The following HS6ST1 variants were observed in gnomAD, a reference collection of about 807,000 sequenced individuals.
HS6ST1 encodes the protein heparan sulfate 6-O-sulfotransferase 1, also known as heparan-sulfate 6-O-sulfotransferase 1.
A neutral mutation model predicts 25.2 loss-of-function variants in HS6ST1; 3 were observed. That is an observed-to-expected ratio of 0.12 (90% CI 0.05 to 0.31). The LOEUF (loss-of-function observed/expected upper bound fraction) is 0.31, where lower values mean the gene tolerates loss of function less well. Among genes scored for constraint, HS6ST1 ranks in the 10% least tolerant of loss-of-function variants. HS6ST1 has a pLI of 1.00. For missense variants in HS6ST1, 310 were observed against 609.6 expected, an observed-to-expected ratio of 0.51 and a Z score of 5.18; for synonymous variants, 204 against 275.1, an observed-to-expected ratio of 0.74 and a Z score of 2.56.
At chr2:128,312,517 G>A (rs1694307180) in intron 1 of HS6ST1, among the ~76,000 whole-genome samples, 1 of 152,172 alleles carries the variant, frequency 6.6e-6, no homozygotes, top group African/African-American at 2.4e-5. Flanking sequence ...CCCGCAAAAT[G>A]CCACATGGGA....
chr2:128,317,519 A>G (rs570615318), intron 1 of HS6ST1, among the ~76,000 whole-genome samples: 2 of 152,282 alleles, frequency 1.3e-5, no homozygotes, highest in East Asian at 3.9e-4. Context: ...AGGCGGGCAG[A>G]GCCAGCCCCC....
In HS6ST1 at chr2:128,266,281, C is replaced by T. The variant is rs1693511486; in HGVS notation, c.*1881G>A. On this transcript the variant is annotated 3_prime_UTR_variant, in exon 2 of 2. Coordinates refer to ENST00000259241, the MANE Select transcript of HS6ST1 (RefSeq NM_004807.3). ...CTCCTCCAAGGAGTGCACCCACCCCCATGTTGAGTGTCCGAGCAGATTCCC... is the reference window on the plus strand; with the variant it reads ...CTCCTCCAAGGAGTGCACCCACCCCTATGTTGAGTGTCCGAGCAGATTCCC... The T allele has an allele frequency of 6.6e-6, 1 of 152,354 alleles. No individual in the cohort carries two copies. Among genetic ancestry groups the T allele is most frequent in the Non-Finnish European group, 1.5e-5 (1 of 68,130 alleles). 9.4% of individuals were successfully genotyped at this position (152,354 alleles called of 1,614,324 possible). A position where few individuals can be genotyped will look rare whatever the true frequency, so the allele number is the denominator to read the frequency against.
At chr2:128,298,487 C>T (rs1009183980) in intron 1 of HS6ST1, among the ~76,000 whole-genome samples, 1 of 152,092 alleles carries the variant, frequency 6.6e-6, no homozygotes, top group Non-Finnish European at 1.5e-5. Context: ...TTACTCAGCC[C>T]TAAAAAGGAA....
intron 1 of HS6ST1, among the ~76,000 whole-genome samples, chr2:128,316,296 G>A (rs1030862960): frequency 9.9e-5 from 15 of 152,266 alleles, no homozygotes; most frequent in Non-Finnish European, 1.6e-4. Flanking sequence ...CAAAAGCTCC[G>A]GCTTCTTGGC....
intron 1 of HS6ST1, among the ~76,000 whole-genome samples, chr2:128,285,609 C>CT (rs397956840): frequency 1.3e-5 from 2 of 151,910 alleles, no homozygotes; most frequent in Non-Finnish European, 2.9e-5. Context: ...GGCTGTCTGC[C>CT]AGCACCTGGG....
At chr2:128,309,584 G>A (rs574140581) in intron 1 of HS6ST1, among the ~76,000 whole-genome samples, 2 of 152,346 alleles carry the variant, frequency 1.3e-5, no homozygotes, top group East Asian at 1.9e-4. Context: ...TCAAAGCTTC[G>A]TAAACAATTA....
intron 1 of HS6ST1, among the ~76,000 whole-genome samples, chr2:128,303,594 C>T (rs1244930830): frequency 6.6e-6 from 1 of 152,238 alleles, no homozygotes; most frequent in Non-Finnish European, 1.5e-5. Context: ...ACTGGCTGGC[C>T]AACCCCGTCA....
intron 1 of HS6ST1, among the ~76,000 whole-genome samples, chr2:128,310,046 T>C (rs551083601): frequency 3.8e-4 from 58 of 152,284 alleles, no homozygotes; most frequent in Non-Finnish European, 7.5e-4. Context: ...GACAGGTATC[T>C]ATCTGGGCCC....
At chr2:128,297,126 G>A (rs1694050648) in intron 1 of HS6ST1, among the ~76,000 whole-genome samples, 1 of 152,152 alleles carries the variant, frequency 6.6e-6, no homozygotes. Flanking sequence ...CCCATTTCCT[G>A]ATTTCAAAAC....
intron 1 of HS6ST1, among the ~76,000 whole-genome samples, chr2:128,317,755 C>T (rs1460873583): frequency 1.3e-5 from 2 of 152,226 alleles, no homozygotes; most frequent in Non-Finnish European, 2.9e-5. Flanking sequence ...GGGCGGGGAC[C>T]CTGGAGAAAA....
chr2:128,313,783 C>G (rs1047534407), intron 1 of HS6ST1, among the ~76,000 whole-genome samples: 5 of 152,048 alleles, frequency 3.3e-5, no homozygotes, highest in Non-Finnish European at 5.9e-5. Context: ...GCAGGAGTCC[C>G]CAGGCCCCAG....
intron 1 of HS6ST1, among the ~76,000 whole-genome samples, chr2:128,299,997 T>A (rs1484676638): frequency 1.3e-5 from 2 of 152,082 alleles, no homozygotes; most frequent in African/African-American, 4.8e-5. Flanking sequence ...CCATCAGCAC[T>A]CAGATTGTCT....
In HS6ST1 at chr2:128,268,222, G is replaced by A. The variant is rs374594109; in HGVS notation, c.1176C>T (p.Ala392=). Residue 392 remains alanine, a synonymous_variant, in exon 2 of 2, where the codon GCC becomes GCT. Transcript: ENST00000259241. ...CGGTGGGCACGCGGCCCGGCTCGTC[G>A]GCATCCTCCCGCGGCAGTGCCTCCT... ...RAKEALPRED[A]DEPGRVPTED... 6.6e-5 allele frequency: 107 copies of A among 1,610,170 alleles called. No individual in the cohort carries two copies. The highest frequency in any genetic ancestry group is 4.0e-4 in the Middle Eastern group (2 of 4,944).
chr2:128,303,016 CAT>C (rs748468510), intron 1 of HS6ST1, among the ~76,000 whole-genome samples: 4 of 152,246 alleles, frequency 2.6e-5, no homozygotes, highest in Non-Finnish European at 4.4e-5. Context: ...GTGCTGACCA[CAT>C]GTTTCTCTGG....
At chr2:128,285,934 C>A (rs1195628027) in intron 1 of HS6ST1, among the ~76,000 whole-genome samples, 1 of 152,074 alleles carries the variant, frequency 6.6e-6, no homozygotes, top group Non-Finnish European at 1.5e-5. Context: ...AGAGGGGACA[C>A]AGGTCCCAGT....
intron 1 of HS6ST1, among the ~76,000 whole-genome samples, chr2:128,316,440 C>T (rs934970999): frequency 6.6e-6 from 1 of 152,234 alleles, no homozygotes; most frequent in Non-Finnish European, 1.5e-5. Context: ...ACTCTGGGAG[C>T]CTACTGCTCT....
At chr2:128,271,142 C>T (rs542125692) in intron 1 of HS6ST1, among the ~76,000 whole-genome samples, 37 of 152,366 alleles carry the variant, frequency 2.4e-4, no homozygotes, top group Non-Finnish European at 3.8e-4. Flanking sequence ...TGCTAGCTGA[C>T]TGGAAGACCT....
chr2:128,312,652 C>T (rs557798092), intron 1 of HS6ST1, among the ~76,000 whole-genome samples: 16 of 152,288 alleles, frequency 1.1e-4, no homozygotes, highest in Middle Eastern at 3.4e-3. Flanking sequence ...CATGGCTGCT[C>T]CCAAGTGCCC....
intron 1 of HS6ST1, among the ~76,000 whole-genome samples, chr2:128,317,094 C>T (rs572069414): frequency 1.3e-5 from 2 of 152,260 alleles, no homozygotes; most frequent in Non-Finnish European, 2.9e-5. Flanking sequence ...GGCATCCCTG[C>T]AGGACGAATG....
Sources: gnomAD v4.1 joint callset for allele counts (sites outside exome capture counted in the v4.1 genomes callset) on GRCh38, gnomAD v4.1.1 for gene constraint, MANE v1.5 for transcripts, NCBI Gene and HGNC (gene_info 2026-07-23, HGNC 2026-07-21) for gene names.